Variants in CDH19 observed in about 807,000 individuals in gnomAD.
CDH19 encodes cadherin 19, also known as cadherin-19.
Under a neutral mutation model 64.2 loss-of-function variants are expected in CDH19, and 67 were observed. The ratio of observed to expected loss-of-function variants is 1.04; its 90% CI spans 0.86 to 1.28. The LOEUF (loss-of-function observed/expected upper bound fraction) is 1.28. Among genes scored for constraint, CDH19 ranks in the 50% most tolerant of loss-of-function variants. The pLI is 0.00. For missense variants in CDH19, 1,030 were observed against 929.0 expected (o/e 1.11, Z -1.41); for synonymous variants, 346 against 319.3 (o/e 1.08, Z -0.89).
chr18:66,511,871 CT>C (rs1568171911), intron 9 of CDH19, among the ~76,000 whole-genome samples, 186 bp from the exon 10 acceptor site: 1 of 151,382 alleles, frequency 6.6e-6, no homozygotes, highest in African/African-American at 2.4e-5. Context: ...TGTTCACTTC[CT>C]TTTTTCAAAG....
In CDH19 at chr18:66,595,515, A is replaced by G. The variant is rs1427868866; in HGVS notation, c.-113+8439T>C. Among the ~76,000 whole-genome samples, 529 of 63,734 alleles carry G rather than the reference A, an allele frequency of 8.3e-3. 4 individuals carry two copies. The highest frequency in any genetic ancestry group is 0.017 in the Admixed American group (108 of 6,306). 41.8% of individuals were successfully genotyped at this position (63,734 alleles called of 152,430 possible). On this transcript the variant is annotated intron_variant, in intron 1 of 11. Transcript: ENST00000262150. ...GGACATTACCACCGGCCCCACAGAA[A>G]AAAAAAAAAAAAAAAAAAACCTGAG...
chr18:66,591,120 T>C (rs923391720), intron 1 of CDH19, among the ~76,000 whole-genome samples: 4 of 151,964 alleles, frequency 2.6e-5, no homozygotes, highest in Non-Finnish European at 5.9e-5. Context: ...AATCTCAGAT[T>C]GAGTATCTTC....
At chr18:66,539,345 T>C (rs981740271) in intron 7 of CDH19, among the ~76,000 whole-genome samples, 1 of 152,136 alleles carries the variant, frequency 6.6e-6, no homozygotes, top group Non-Finnish European at 1.5e-5. Flanking sequence ...CTACCTTGTT[T>C]CCAATCTTAG....
chr18:66,602,780 A>G (rs1218336346), intron 1 of CDH19, among the ~76,000 whole-genome samples: 1 of 151,890 alleles, frequency 6.6e-6, no homozygotes, highest in African/African-American at 2.4e-5. Flanking sequence ...ATTTTGAATA[A>G]TTGCAGACAA....
At chr18:66,603,595 C>T (rs17811189) in intron 1 of CDH19, among the ~76,000 whole-genome samples, 2,740 of 151,484 alleles carry the variant, frequency 0.018, 38 homozygotes, top group Non-Finnish European at 0.031. Flanking sequence ...AAAAATAAAA[C>T]CCTGAACAAA....
chr18:66,522,056 C>T (rs1339502898), intron 9 of CDH19, among the ~76,000 whole-genome samples: 1 of 151,526 alleles, frequency 6.6e-6, no homozygotes, highest in Non-Finnish European at 1.5e-5. Flanking sequence ...ACGCCATTCT[C>T]CTGCCTCAGC....
intron 1 of CDH19, among the ~76,000 whole-genome samples, chr18:66,575,617 C>A (rs746263520): frequency 2.0e-5 from 3 of 151,836 alleles, no homozygotes; most frequent in Admixed American, 1.3e-4. Context: ...AGCCGTATTC[C>A]TAATCTTCAA....
At chr18:66,593,618 A>T (rs1490365906) in intron 1 of CDH19, among the ~76,000 whole-genome samples, 1 of 152,106 alleles carries the variant, frequency 6.6e-6, no homozygotes. Context: ...TGAACACAAA[A>T]ATATATATAT....
At chr18:66,587,435 A>C (rs184788488) in intron 1 of CDH19, among the ~76,000 whole-genome samples, 1 of 152,218 alleles carries the variant, frequency 6.6e-6, no homozygotes, top group Non-Finnish European at 1.5e-5. Flanking sequence ...ACTGTCCCTA[A>C]ATTCTGAATG....
In CDH19 at chr18:66,547,382, C is replaced by G. The variant is rs147352884; in HGVS notation, c.776-2479G>C. 4.2e-3 allele frequency among the ~76,000 whole-genome samples: 632 copies of G among 151,980 alleles called. 3 individuals carry two copies. The highest frequency in any genetic ancestry group is 5.7e-3 in the Non-Finnish European group (385 of 67,936). On this transcript the variant is annotated intron_variant, in intron 5 of 11. Coordinates refer to ENST00000262150, the MANE Select transcript of CDH19 (RefSeq NM_021153.4). ...TGTGTTTTGTGTATGTGCATTTGCT[C>G]CAAGAATATTGAAAGCCAGGAGCTA...
intron 3 of CDH19, among the ~76,000 whole-genome samples, chr18:66,565,779 T>A (rs528105295): frequency 6.6e-6 from 1 of 151,922 alleles, no homozygotes; most frequent in Admixed American, 6.6e-5. Context: ...ATTTCCATAT[T>A]ATATAACACT....
chr18:66,573,943 T>G (rs1373449750), intron 1 of CDH19, among the ~76,000 whole-genome samples: 1 of 151,382 alleles, frequency 6.6e-6, no homozygotes, highest in African/African-American at 2.4e-5. Context: ...GTTATGTAAG[T>G]GTGTATACAC....
intron 3 of CDH19, among the ~76,000 whole-genome samples, chr18:66,562,218 T>C (rs1402457803): frequency 4.6e-5 from 7 of 151,674 alleles, no homozygotes; most frequent in Non-Finnish European, 7.4e-5. Context: ...CATTGTAATA[T>C]ATAATAAAAT....
At chr18:66,527,492 C>T (rs73537774) in intron 9 of CDH19, among the ~76,000 whole-genome samples, 2,661 of 152,066 alleles carry the variant, frequency 0.017, 67 homozygotes, top group African/African-American at 0.058. Context: ...CTTACGCCTG[C>T]AATCTTAGCA....
At chr18:66,592,003 G>A (rs546917174) in intron 1 of CDH19, among the ~76,000 whole-genome samples, 4 of 151,750 alleles carry the variant, frequency 2.6e-5, no homozygotes, top group African/African-American at 9.7e-5. Flanking sequence ...CCACCTAATC[G>A]TTATGTTCCT....
intron 1 of CDH19, among the ~76,000 whole-genome samples, chr18:66,583,064 G>C (rs996837154): frequency 2.6e-5 from 4 of 152,014 alleles, no homozygotes; most frequent in Non-Finnish European, 5.9e-5. Flanking sequence ...ATTTTTGTAT[G>C]CTCCTGTATT....
At chr18:66,510,025 C>A (rs1985395100) in intron 10 of CDH19, among the ~76,000 whole-genome samples, 1 of 151,620 alleles carries the variant, frequency 6.6e-6, no homozygotes, top group Non-Finnish European at 1.5e-5. Context: ...TCTGTGAATC[C>A]CAAAATATTA....
chr18:66,591,314 C>A (rs1988737197), intron 1 of CDH19, among the ~76,000 whole-genome samples: 1 of 151,812 alleles, frequency 6.6e-6, no homozygotes, highest in Non-Finnish European at 1.5e-5. Context: ...TTAATCAGTT[C>A]CTGGAGTGCA....
In CDH19 at chr18:66,537,082, T is replaced by A. The variant is rs985466114; in HGVS notation, c.1215-1975A>T. Among the ~76,000 whole-genome samples, 3 of 151,962 alleles carry A rather than the reference T, an allele frequency of 2.0e-5. 1 individual carries two copies. The highest frequency in any genetic ancestry group is 4.4e-5 in the Non-Finnish European group (3 of 67,914). On this transcript the variant is annotated intron_variant, in intron 7 of 11. Transcript: ENST00000262150. ...CACTCAGCTTTTTCTAATGTTAAAA[T>A]CTTATATAAACTTTAATCTGTTTAA...
Sources: allele counts gnomAD v4.1 joint callset (sites outside exome capture counted in the v4.1 genomes callset), GRCh38; gene constraint gnomAD v4.1.1; transcripts MANE v1.5; gene names NCBI Gene and HGNC (gene_info 2026-07-23, HGNC 2026-07-21).